Variants in IMP4 observed in about 807,000 individuals in gnomAD.
The protein encoded by IMP4 is U3 small nucleolar ribonucleoprotein IMP4.
In IMP4, 30 loss-of-function variants were observed where a neutral mutation model predicts 42.7. The observed-to-expected ratio is 0.70, with a 90% confidence interval of 0.53 to 0.95. The LOEUF is 0.95. Among genes scored for constraint, IMP4 ranks in the 40% least tolerant of loss-of-function variants. The probability of loss-of-function intolerance (pLI) is 0.00; values close to 1 mark genes in which losing one functional copy is unlikely to be tolerated. For synonymous variants in IMP4, 165 were observed against 165.2 expected (o/e 1.00, Z 0.01); for missense variants, 382 against 411.4 (o/e 0.93, Z 0.62).
intron 2 of IMP4, 72 bp from the exon 3 acceptor site, chr2:130,344,557 G>T: frequency 1.1e-6 from 1 of 943,894 alleles, no homozygotes. Context: ...AGGCTAATAA[G>T]CTGTGGTGTA....
At chr2:130,343,273 C>A in intron 2 of IMP4, 79 bp downstream of exon 2, 1 of 1,065,198 alleles carries the variant, frequency 9.4e-7, no homozygotes, top group Non-Finnish European at 1.4e-6. Context: ...GAGCGTCTTT[C>A]CAAATGCTTG....
In IMP4 at chr2:130,347,389, ATCTC is replaced by A. The variant is rs1279678740; in HGVS notation, c.*926_*929del. On this transcript the variant is annotated 3_prime_UTR_variant, in exon 9 of 9. Transcript: ENST00000259239. Reference sequence around the variant, plus strand: ...CAGCTATCCTAACAGGTATGAGGTGATCTCTCTCATTGCGGTTTTGATTTGCATT... The same window carrying A: ...CAGCTATCCTAACAGGTATGAGGTGATCTCATTGCGGTTTTGATTTGCATT... 6.6e-6 allele frequency: 1 copy of A among 151,998 alleles called. No homozygotes were observed. The highest frequency in any genetic ancestry group is 1.9e-4 in the East Asian group (1 of 5,188). The allele number at this position is 151,998 out of a possible 1,614,324, so 9.4% of individuals were successfully genotyped here.
chr2:130,344,508 C>G, intron 2 of IMP4, 121 bp from the exon 3 acceptor site: 1 of 726,212 alleles, frequency 1.4e-6, no homozygotes, highest in Non-Finnish European at 2.4e-6. Context: ...TTTATCCAAG[C>G]TCAGAAAGGG....
At chr2:130,343,804 G>T (rs552020983) in intron 2 of IMP4, among the ~76,000 whole-genome samples, 1 of 152,072 alleles carries the variant, frequency 6.6e-6, no homozygotes, top group African/African-American at 2.4e-5. Flanking sequence ...TGCAGACTGC[G>T]CTGCCCATCC....
Position 130,343,198 on chromosome 2 carries a change from A to C in IMP4, c.112+4A>C. The C allele has an allele frequency of 1.3e-6, 2 of 1,541,014 alleles. No homozygotes were observed. Among genetic ancestry groups the C allele is most frequent in the Non-Finnish European group, 1.8e-6 (2 of 1,138,322 alleles). ...CGGCTGCGGCGCGCGCTGGAAGGTA[A>C]GGCATCGGCCCCGCGGGCGTCTGCG... On this transcript the variant is annotated splice_donor_region_variant and intron_variant, in intron 2 of 8. Coordinates refer to ENST00000259239, the MANE Select transcript of IMP4 (RefSeq NM_033416.3).
Position 130,346,450 on chromosome 2 carries a change from C to G in IMP4, c.858C>G (p.Val286=). The change falls in exon 9 of 9, where the codon GTC becomes GTG. Residue 286 remains valine (V), a synonymous_variant. Coordinates refer to ENST00000259239, the MANE Select transcript of IMP4 (RefSeq NM_033416.3). ...ACACCAATACCGCACGCAAGAGAGT[C>G]TTCCTGAGCACCGAGTGAGCACACT... The part of the protein sequence containing the change: ...HPYTNTARKR[V]FLSTE The G allele has an allele frequency of 6.4e-7, 1 of 1,560,178 alleles. No homozygotes were observed. The highest frequency in any genetic ancestry group is 8.7e-7 in the Non-Finnish European group (1 of 1,151,216).
rs767774602 is a variant in IMP4 at position 130,345,560 on chromosome 2, C to A, written c.307-7C>A. The A allele has an allele frequency of 3.1e-6, 5 of 1,614,052 alleles. No individual in the cohort carries two copies. The highest frequency in any genetic ancestry group is 4.2e-6 in the Non-Finnish European group (5 of 1,180,042). On this transcript the variant is annotated splice_polypyrimidine_tract_variant and splice_region_variant and intron_variant, in intron 4 of 8. Coordinates refer to ENST00000259239, the MANE Select transcript of IMP4 (RefSeq NM_033416.3). This position sits in a 1 kb window ranked among gnomAD's most constrained non-coding sequence, Gnocchi z 4.9. Reference sequence around the variant, plus strand: ...AGTCCTGACTGTACACTGCCATCCACGCCCAGGAGCTGAAGCTGGTGTTCC... The same window carrying A: ...AGTCCTGACTGTACACTGCCATCCAAGCCCAGGAGCTGAAGCTGGTGTTCC...
In IMP4 at chr2:130,347,642, G is replaced by T. The variant is rs1022868721; in HGVS notation, c.*1174G>T. 3.3e-5 allele frequency: 5 copies of T among 152,254 alleles called. No homozygotes were observed. Among genetic ancestry groups the T allele is most frequent in the Non-Finnish European group, 7.3e-5 (5 of 68,092 alleles). The allele number at this position is 152,254 out of a possible 1,614,324, so 9.4% of individuals were successfully genotyped here. A position where few individuals can be genotyped will look rare whatever the true frequency, so the allele number is the denominator to read the frequency against. ...GCATAGAATTAGTGCTCTTATAAAA[G>T]ATGCCCGAGGGAGCTCTTTTGCCCC... On this transcript the variant is annotated 3_prime_UTR_variant, in exon 9 of 9. Transcript: ENST00000259239.
Position 130,343,160 on chromosome 2 carries a change from G to T in IMP4, c.78G>T (p.Gln26His). 1 of 1,550,586 alleles carries T rather than the reference G, an allele frequency of 6.4e-7. No individual in the cohort carries two copies. Among genetic ancestry groups the T allele is most frequent in the Non-Finnish European group, 8.7e-7 (1 of 1,146,402 alleles). Residue 26 changes from glutamine to histidine, a missense_variant, in exon 2 of 9, where the codon CAG becomes CAT. Transcript: ENST00000259239. Reference sequence around the variant, plus strand: ...GGGAGGAGGCGCAGCGCTCAGCCCAGGAGAGGAAGGAGCGGCTGCGGCGCG... The same window carrying T: ...GGGAGGAGGCGCAGCGCTCAGCCCATGAGAGGAAGGAGCGGCTGCGGCGCG... ...KAREEAQRSA[Q>H]ERKERLRRAL...
At position 130,345,608 on chromosome 2, in the gene IMP4, A is replaced by G; in HGVS notation, c.348A>G (p.Arg116=). The G allele has an allele frequency of 6.2e-7, 1 of 1,614,144 alleles. No individual in the cohort carries two copies. The highest frequency in any genetic ancestry group is 1.1e-5 in the South Asian group (1 of 91,082). The change falls in exon 5 of 9, where the codon CGA becomes CGG. Residue 116 remains arginine, a synonymous_variant. Transcript: ENST00000259239. The surrounding 1 kb of genome is among the most constrained non-coding windows in gnomAD (Gnocchi z 4.9). ...LVFPGAQRMN[R]GRHEVGALVR... ...TCCCGGGCGCCCAGCGAATGAACCG[A>G]GGTCGACATGAAGTGGGGGCACTGG...
rs1015366539 is a variant in IMP4, at chr2:130,345,579, G to T, written c.319G>T (p.Val107Leu). The T allele has an allele frequency of 6.2e-7, 1 of 1,614,192 alleles. No homozygotes were observed. ...LKMFAKELKL[V>L]FPGAQRMNRG... ...CATCCACGCCCAGGAGCTGAAGCTG[G>T]TGTTCCCGGGCGCCCAGCGAATGAA... Residue 107 changes from valine (V) to leucine (L), a missense_variant, in exon 5 of 9, where the codon GTG (valine) becomes TTG (leucine). By Grantham distance (32) the Val-to-Leu change is conservative. Coordinates refer to ENST00000259239, the MANE Select transcript of IMP4 (RefSeq NM_033416.3). The surrounding 1 kb of genome is among the most constrained non-coding windows in gnomAD (Gnocchi z 4.9).
In IMP4 at chr2:130,346,874, G is replaced by A. The variant is rs1045892161; in HGVS notation, c.*406G>A. 4.9e-5 allele frequency: 13 copies of A among 265,918 alleles called. No individual in the cohort carries two copies. The East Asian group carries it at 5.3e-4, about 11-fold the overall frequency. 16.5% of individuals were successfully genotyped at this position (265,918 alleles called of 1,614,324 possible). A position where few individuals can be genotyped will look rare whatever the true frequency, so the allele number is the denominator to read the frequency against. ...CAAGTTAACTCACTGAGTGGAAGCC[G>A]CCAGTGTGCCAACGCGGAGGGGACA... On this transcript the variant is annotated 3_prime_UTR_variant, in exon 9 of 9. Coordinates refer to ENST00000259239, the MANE Select transcript of IMP4 (RefSeq NM_033416.3).
chr2:130,345,420 G>C lies in IMP4; in HGVS notation c.241G>C (p.Glu81Gln), dbSNP rs200869690. 6.2e-7 allele frequency: 1 copy of C among 1,614,060 alleles called. No individual in the cohort carries two copies. The highest frequency in any genetic ancestry group is 8.5e-7 in the Non-Finnish European group (1 of 1,179,982). ...VDDEYRWAGV[E>Q]DPKVMITTSR... Reference sequence around the variant, plus strand: ...TGATGAATACCGATGGGCAGGAGTCGAGGATCCCAAGGTTATGATCACTAC... The same window carrying C: ...TGATGAATACCGATGGGCAGGAGTCCAGGATCCCAAGGTTATGATCACTAC... Residue 81 changes from glutamate to glutamine, a missense_variant, in exon 4 of 9, where the codon GAG becomes CAG. Glu to Gln is a conservative substitution (Grantham distance 29). Transcript: ENST00000259239. The surrounding 1 kb of genome is among the most constrained non-coding windows in gnomAD (Gnocchi z 4.9).
intron 2 of IMP4, 44 bp downstream of exon 2, chr2:130,343,238 G>A (rs1443524389): frequency 7.6e-7 from 1 of 1,313,616 alleles, no homozygotes; most frequent in African/African-American, 1.5e-5. Context: ...AAACCACCCC[G>A]GCACGCATTT....
intron 2 of IMP4, 92 bp downstream of exon 2, chr2:130,343,286 G>A: frequency 1.0e-6 from 1 of 962,162 alleles, no homozygotes; most frequent in Non-Finnish European, 1.6e-6. Flanking sequence ...AATGCTTGCC[G>A]GCCGTTTTCC....
At chr2:130,343,755 A>G (rs78602693) in intron 2 of IMP4, among the ~76,000 whole-genome samples, 1 of 151,510 alleles carries the variant, frequency 6.6e-6, no homozygotes, top group African/African-American at 2.4e-5. Flanking sequence ...AAAAAAAAAA[A>G]GAAATTCTCT....
intron 2 of IMP4, 119 bp downstream of exon 2, chr2:130,343,313 C>T (rs1187634875): frequency 7.8e-6 from 6 of 768,544 alleles, no homozygotes; most frequent in East Asian, 2.7e-5. Context: ...ATTGGGTTCT[C>T]CTGTTGGTTT....
rs1277539178 is a variant in IMP4, at chr2:130,346,766, G to A, written c.*298G>A. 1.5e-5 allele frequency: 7 copies of A among 454,414 alleles called. No homozygotes were observed. Among genetic ancestry groups the A allele is most frequent in the South Asian group, 2.1e-5 (1 of 46,546 alleles). 28.1% of individuals were successfully genotyped at this position (454,414 alleles called of 1,614,324 possible). On this transcript the variant is annotated 3_prime_UTR_variant, in exon 9 of 9. Transcript: ENST00000259239. ...ACAGAGAGAGAGATTTGATGCTAAC[G>A]TCCCCTCAAGAGTGAGGGTCATATG...
At chr2:130,344,734 C>T (rs759142150) in intron 3 of IMP4, 22 bp downstream of exon 3, 4 of 1,535,384 alleles carry the variant, frequency 2.6e-6, no homozygotes, top group Middle Eastern at 1.7e-4. Context: ...AGGTAGCCCT[C>T]CCCAACACTG....
Sources: gnomAD v4.1 joint callset for allele counts (sites outside exome capture counted in the v4.1 genomes callset) on GRCh38, gnomAD v4.1.1 for gene constraint, Gnocchi (gnomAD v3.1) non-coding constraint, MANE v1.5 for transcripts, NCBI Gene and HGNC (gene_info 2026-07-23, HGNC 2026-07-21) for gene names.